Variants in AFG2A observed in about 807,000 individuals in gnomAD.
The protein encoded by AFG2A is AAA ATPase AFG2A, also known as ATPase family gene 2 protein homolog A.
chr4:123,172,584 G>A, the AFG2A span, among the ~76,000 whole-genome samples: 27 of 152,296 alleles, frequency 1.8e-4, no homozygotes, highest in East Asian at 5.2e-3. Context: ...AAATGATTCA[G>A]GAACTGGGTT....
At chr4:122,986,290 A>G in the AFG2A span, among the ~76,000 whole-genome samples, 4 of 152,134 alleles carry the variant, frequency 2.6e-5, no homozygotes, top group African/African-American at 9.7e-5. Context: ...AGTTAAGTCC[A>G]TTTGTTCCAA....
chr4:122,985,409 G>A, the AFG2A span, among the ~76,000 whole-genome samples: 1 of 152,140 alleles, frequency 6.6e-6, no homozygotes, highest in African/African-American at 2.4e-5. Flanking sequence ...GATTATAGGT[G>A]TGAGCCACCG....
At chr4:122,948,740 A>G in the AFG2A span, among the ~76,000 whole-genome samples, 34 of 152,160 alleles carry the variant, frequency 2.2e-4, no homozygotes, top group African/African-American at 7.7e-4. Flanking sequence ...TGCAGCTTGT[A>G]TAGCATTTTC....
At chr4:123,256,816 CT>C in the AFG2A span, 1 of 984,088 alleles carries the variant, frequency 1.0e-6, no homozygotes, top group Non-Finnish European at 1.2e-6. Flanking sequence ...CATTTTTTCT[CT>C]CCTTACCAAC....
At chr4:123,130,520 A>G in the AFG2A span, among the ~76,000 whole-genome samples, 1 of 152,026 alleles carries the variant, frequency 6.6e-6, no homozygotes, top group African/African-American at 2.4e-5. Flanking sequence ...AATCATGCAC[A>G]TGTCATCTTT....
chr4:123,103,122 T>C, the AFG2A span, among the ~76,000 whole-genome samples: 1 of 152,084 alleles, frequency 6.6e-6, no homozygotes, highest in Admixed American at 6.6e-5. Context: ...CAGGCTCTAC[T>C]GCGTTTAGAG....
the AFG2A span, among the ~76,000 whole-genome samples, chr4:123,044,514 G>C: frequency 6.6e-6 from 1 of 152,030 alleles, no homozygotes. Context: ...GCTTCTTCTT[G>C]CTTCAATTTT....
chr4:123,091,244 G>C, the AFG2A span, among the ~76,000 whole-genome samples: 1 of 152,222 alleles, frequency 6.6e-6, no homozygotes, highest in African/African-American at 2.4e-5. Flanking sequence ...TACGATGGGA[G>C]AGAGAGAACT....
the AFG2A span, among the ~76,000 whole-genome samples, chr4:123,184,899 G>A: frequency 6.6e-6 from 1 of 152,166 alleles, no homozygotes; most frequent in Non-Finnish European, 1.5e-5. Context: ...TGCCAATAAT[G>A]TTGATTCTTT....
At chr4:123,020,575 G>A in the AFG2A span, among the ~76,000 whole-genome samples, 2 of 151,866 alleles carry the variant, frequency 1.3e-5, no homozygotes, top group African/African-American at 4.8e-5. Context: ...CACCACGTTG[G>A]CCAGGCTGGT....
the AFG2A span, among the ~76,000 whole-genome samples, chr4:123,017,849 C>T: frequency 2.0e-5 from 3 of 152,206 alleles, no homozygotes; most frequent in Non-Finnish European, 4.4e-5. Flanking sequence ...ATTTTTGTCC[C>T]TGGTGGTAAA....
At chr4:123,053,124 G>T in the AFG2A span, among the ~76,000 whole-genome samples, 97 of 152,300 alleles carry the variant, frequency 6.4e-4, no homozygotes, top group African/African-American at 2.2e-3. Context: ...ACTGACCCAA[G>T]TGTTAATCTC....
chr4:123,138,805 A>G, the AFG2A span, among the ~76,000 whole-genome samples: 2 of 152,092 alleles, frequency 1.3e-5, no homozygotes, highest in Non-Finnish European at 2.9e-5. Flanking sequence ...ACCATACTTT[A>G]TACTATTAGT....
chr4:122,957,648 C>T, the AFG2A span, among the ~76,000 whole-genome samples: 1 of 152,164 alleles, frequency 6.6e-6, no homozygotes, highest in African/African-American at 2.4e-5. Context: ...CCTCAGGTTA[C>T]AGCAGTTATT....
the AFG2A span, among the ~76,000 whole-genome samples, chr4:122,932,503 ACACTTCC>A: frequency 6.6e-6 from 1 of 151,992 alleles, no homozygotes; most frequent in Non-Finnish European, 1.5e-5. Flanking sequence ...CCAATCACTT[ACACTTCC>A]CCTTGAGCTA....
At chr4:122,956,499 T>G in the AFG2A span, among the ~76,000 whole-genome samples, 1 of 150,602 alleles carries the variant, frequency 6.6e-6, no homozygotes, top group Admixed American at 6.6e-5. Context: ...TTTTAGCGTA[T>G]GATACTAAGG....
At chr4:123,070,442 G>C in the AFG2A span, among the ~76,000 whole-genome samples, 3 of 152,048 alleles carry the variant, frequency 2.0e-5, no homozygotes, top group Non-Finnish European at 4.4e-5. Context: ...ACAAAAGTTT[G>C]TTAGTTCTGG....
chr4:123,016,910 C>G, the AFG2A span, among the ~76,000 whole-genome samples: 1 of 152,280 alleles, frequency 6.6e-6, no homozygotes, highest in African/African-American at 2.4e-5. Flanking sequence ...ACTCGCAGTT[C>G]GGAGCTGGAG....
At chr4:123,162,926 C>T in the AFG2A span, among the ~76,000 whole-genome samples, 26 of 152,080 alleles carry the variant, frequency 1.7e-4, no homozygotes, top group African/African-American at 5.6e-4. Context: ...ATAAAAAGAA[C>T]CTCATACATA....
Sources: gnomAD v4.1 joint callset for allele counts (sites outside exome capture counted in the v4.1 genomes callset) on GRCh38, gnomAD v4.1.1 for gene constraint, MANE v1.5 for transcripts, NCBI Gene and HGNC (gene_info 2026-07-23, HGNC 2026-07-21) for gene names.